The following RALGPS1 variants were observed in gnomAD, a reference collection of about 807,000 sequenced individuals.
RALGPS1 encodes ras-specific guanine nucleotide-releasing factor RalGPS1.
Under a neutral mutation model 78.8 loss-of-function variants are expected in RALGPS1, and 19 were observed. The ratio of observed to expected loss-of-function variants is 0.24; its 90% confidence interval spans 0.17 to 0.35. The LOEUF is 0.35. Among genes scored for constraint, RALGPS1 ranks in the 10% least tolerant of loss-of-function variants. The pLI is 1.00. For missense variants in RALGPS1, 454 were observed against 688.3 expected (o/e 0.66, Z 3.81); for synonymous variants, 228 against 256.3 (o/e 0.89, Z 1.06).
intron 7 of RALGPS1, among the ~76,000 whole-genome samples, chr9:127,057,921 G>A (rs190717913): frequency 3.3e-5 from 5 of 152,356 alleles, no homozygotes; most frequent in East Asian, 1.9e-4. Context: ...GAAGAAAAGC[G>A]ATGCAGAATA....
chr9:127,069,051 G>A (rs1246747799), intron 7 of RALGPS1, among the ~76,000 whole-genome samples, 179 bp from the exon 8 acceptor site: 6 of 152,238 alleles, frequency 3.9e-5, no homozygotes, highest in Non-Finnish European at 7.4e-5. Flanking sequence ...CTCTGGAGTC[G>A]AGTCCTGCCT....
At position 127,122,081 on chromosome 9, in the gene RALGPS1, C is replaced by T. The variant is rs1037140246; in HGVS notation, c.611-43988C>T. ...CCAAAAGAGGAGAGTGAGGCTTACT[C>T]ATGAAGTCCTCGAGATGCCAGCCCA... On this transcript the variant is annotated intron_variant, in intron 8 of 18. Coordinates refer to ENST00000259351, the MANE Select transcript of RALGPS1 (RefSeq NM_014636.3). The surrounding 1 kb of genome is among the most constrained non-coding windows in gnomAD (Gnocchi z 6.4). 1.3e-5 allele frequency among the ~76,000 whole-genome samples: 2 copies of T among 152,342 alleles called. No individual in the cohort carries two copies. Among genetic ancestry groups the T allele is most frequent in the Non-Finnish European group, 2.9e-5 (2 of 68,028 alleles).
At chr9:126,932,929 G>A (rs1440152881) in intron 1 of RALGPS1, among the ~76,000 whole-genome samples, 1 of 152,200 alleles carries the variant, frequency 6.6e-6, no homozygotes, top group Non-Finnish European at 1.5e-5. Flanking sequence ...GGCTGTGGAC[G>A]CAGCTGGCTG....
rs547225221 is a variant in RALGPS1, at chr9:126,983,285, T to G, written c.216+5540T>G. On this transcript the variant is annotated intron_variant, in intron 4 of 18. Coordinates refer to ENST00000259351, the MANE Select transcript of RALGPS1 (RefSeq NM_014636.3). ...TTGTTAACAATTTTGAATAGATATGTGTATGCACATACTGGGTTTATATAG... is the reference window on the plus strand; with the variant it reads ...TTGTTAACAATTTTGAATAGATATGGGTATGCACATACTGGGTTTATATAG... 7.2e-5 allele frequency among the ~76,000 whole-genome samples: 11 copies of G among 151,976 alleles called. No individual in the cohort carries two copies. In the South Asian group the frequency reaches 2.3e-3, roughly 32 times the overall value.
intron 8 of RALGPS1, among the ~76,000 whole-genome samples, chr9:127,111,963 A>C (rs1026548451): frequency 6.6e-6 from 1 of 152,230 alleles, no homozygotes; most frequent in Admixed American, 6.5e-5. Flanking sequence ...CAAGTATGAC[A>C]CAGGACCTAA....
chr9:127,053,208 C>T (rs1425513384), intron 7 of RALGPS1, among the ~76,000 whole-genome samples: 1 of 152,154 alleles, frequency 6.6e-6, no homozygotes, highest in Non-Finnish European at 1.5e-5. Context: ...TGAGTGATGA[C>T]CGGGTCAGCG....
rs148016964 is a variant in RALGPS1 at position 127,091,790 on chromosome 9, G to A, written c.610+22434G>A. ...CGCAGCTTATAATACTCGCTCTCAG[G>A]TTCCAGGCGGAAACTGGCGTATTCT... On this transcript the variant is annotated intron_variant, in intron 8 of 18. Coordinates refer to ENST00000259351, the MANE Select transcript of RALGPS1 (RefSeq NM_014636.3). This position sits in a 1 kb window ranked among gnomAD's most constrained non-coding sequence, Gnocchi z 4.3. 1.9e-3 allele frequency: 3,058 copies of A among 1,614,146 alleles called. 3 individuals carry two copies. The highest frequency in any genetic ancestry group is 2.4e-3 in the Non-Finnish European group (2,870 of 1,180,030).
In RALGPS1 at chr9:127,183,385, G is replaced by T. The variant is rs2060410576; in HGVS notation, c.910+8603G>T. Among the ~76,000 whole-genome samples, 1 of 152,130 alleles carries T rather than the reference G, an allele frequency of 6.6e-6. No homozygotes were observed. The highest frequency in any genetic ancestry group is 6.5e-5 in the Admixed American group (1 of 15,270). On this transcript the variant is annotated intron_variant, in intron 11 of 18. Transcript: ENST00000259351. This position sits in a 1 kb window ranked among gnomAD's most constrained non-coding sequence, Gnocchi z 4.0. The stretch of plus-strand genomic sequence containing the variant: ...AGCCCCTTCCATGCCCCCCCGCAAA[G>T]TCTGGTGCCCACTGCCAGCTTCCTG...
chr9:126,959,185 C>T (rs2132032479), intron 1 of RALGPS1, among the ~76,000 whole-genome samples: 1 of 152,106 alleles, frequency 6.6e-6, no homozygotes, highest in Admixed American at 6.5e-5. Flanking sequence ...CCTCAGCCTC[C>T]TAAGTAGCTG....
In RALGPS1 at chr9:127,031,663, A is replaced by C. The variant is rs148665661; in HGVS notation, c.217-2768A>C. On this transcript the variant is annotated intron_variant, in intron 4 of 18. Coordinates refer to ENST00000259351, the MANE Select transcript of RALGPS1 (RefSeq NM_014636.3). ...TTTGTCTGGTGTTTCCCAGGAAATAAGTGACATGGTGTGGGATTCAGAGCA... is the reference window on the plus strand; with the variant it reads ...TTTGTCTGGTGTTTCCCAGGAAATACGTGACATGGTGTGGGATTCAGAGCA... Among the ~76,000 whole-genome samples, 5 of 152,356 alleles carry C rather than the reference A, an allele frequency of 3.3e-5. No homozygotes were observed. In the East Asian group the frequency reaches 9.6e-4, roughly 29 times the overall value.
At chr9:126,976,242 C>G (rs2040608336) in intron 3 of RALGPS1, among the ~76,000 whole-genome samples, 1 of 152,012 alleles carries the variant, frequency 6.6e-6, no homozygotes. Flanking sequence ...AGTTCACATG[C>G]CAGTACATGA....
intron 13 of RALGPS1, 89 bp downstream of exon 13, chr9:127,196,720 C>A: frequency 1.4e-6 from 2 of 1,400,668 alleles, no homozygotes; most frequent in Non-Finnish European, 1.9e-6. Flanking sequence ...TGTGCCATGC[C>A]CAGTGGCGCT....
At chr9:127,185,490 G>C (rs2060585887) in intron 11 of RALGPS1, among the ~76,000 whole-genome samples, 1 of 152,210 alleles carries the variant, frequency 6.6e-6, no homozygotes, top group Non-Finnish European at 1.5e-5. Context: ...CTCTTCCCTT[G>C]TCAGGTTCTA....
intron 5 of RALGPS1, among the ~76,000 whole-genome samples, chr9:127,040,454 G>A (rs991398033): frequency 6.6e-6 from 1 of 152,158 alleles, no homozygotes; most frequent in Non-Finnish European, 1.5e-5. Context: ...GTCTGCTTAA[G>A]AGGAAAAGGA....
chr9:127,130,820 G>T (rs2056953358), intron 8 of RALGPS1, among the ~76,000 whole-genome samples: 1 of 152,214 alleles, frequency 6.6e-6, no homozygotes, highest in African/African-American at 2.4e-5. Context: ...CCTTTGGCCA[G>T]TCTGGCACCC....
chr9:126,917,619 C>T (rs1208177493), intron 1 of RALGPS1, among the ~76,000 whole-genome samples: 1 of 152,140 alleles, frequency 6.6e-6, no homozygotes, highest in Non-Finnish European at 1.5e-5. Context: ...TAACCATGCC[C>T]ACCTTGTGAG....
At chr9:127,056,722 C>T (rs1261279511) in intron 7 of RALGPS1, among the ~76,000 whole-genome samples, 1 of 152,216 alleles carries the variant, frequency 6.6e-6, no homozygotes, top group South Asian at 2.1e-4. Context: ...CCCCTTTTGA[C>T]TGCATTCCTC....
intron 4 of RALGPS1, among the ~76,000 whole-genome samples, chr9:127,026,869 G>A (rs1435078772): frequency 6.6e-6 from 1 of 152,182 alleles, no homozygotes; most frequent in Non-Finnish European, 1.5e-5. Context: ...GCAAAACGAG[G>A]CGACCTTTAT....
intron 1 of RALGPS1, among the ~76,000 whole-genome samples, chr9:126,958,273 T>G (rs1300642534): frequency 6.6e-6 from 1 of 151,696 alleles, no homozygotes; most frequent in African/African-American, 2.4e-5. Context: ...TGAAGGTGCT[T>G]CTTTTATTGC....
Sources: allele counts gnomAD v4.1 joint callset (sites outside exome capture counted in the v4.1 genomes callset), GRCh38; gene constraint gnomAD v4.1.1; non-coding constraint Gnocchi (gnomAD v3.1); transcripts MANE v1.5; gene names NCBI Gene and HGNC (gene_info 2026-07-23, HGNC 2026-07-21).